MACC1: variants seen among roughly 807,000 people sequenced by gnomAD.
MACC1 encodes the protein MET transcriptional regulator MACC1, also known as metastasis-associated in colon cancer protein 1.
In MACC1, 79 loss-of-function variants were observed where a neutral mutation model predicts 70.7. The ratio of observed to expected loss-of-function variants is 1.12; its 90% CI spans 0.93 to 1.35. MACC1 has a LOEUF of 1.35. MACC1 is among the 40% of genes most tolerant of loss of function. The probability of loss-of-function intolerance (pLI) is 0.00; values close to 1 mark genes in which losing one functional copy is unlikely to be tolerated. For missense variants in MACC1, 1,106 were observed against 978.1 expected (o/e 1.13, Z -1.74); for synonymous variants, 361 against 347.2 (o/e 1.04, Z -0.44).
chr7:20,198,617 T>C (rs1782787902), intron 1 of MACC1: 1 of 152,236 alleles, frequency 6.6e-6, no homozygotes, highest in Non-Finnish European at 1.5e-5. Flanking sequence ...AAGCCTCCAT[T>C]CTGGAGCTCT....
At chr7:20,174,598 A>C (rs1156917930) in intron 1 of MACC1, among the ~76,000 whole-genome samples, 3 of 152,162 alleles carry the variant, frequency 2.0e-5, no homozygotes, top group Non-Finnish European at 2.9e-5. Context: ...AGAATAAAAT[A>C]AAATTCTCAC....
At chr7:20,166,965 C>T (rs1782229715) in intron 2 of MACC1, among the ~76,000 whole-genome samples, 1 of 152,008 alleles carries the variant, frequency 6.6e-6, no homozygotes, top group Non-Finnish European at 1.5e-5. Flanking sequence ...AGGAACATAT[C>T]CAGAAATCTA....
chr7:20,209,849 G>A (rs1282405639), intron 1 of MACC1, among the ~76,000 whole-genome samples: 1 of 152,082 alleles, frequency 6.6e-6, no homozygotes, highest in Non-Finnish European at 1.5e-5. Flanking sequence ...AGAGGTAATT[G>A]AATCATGGGG....
At chr7:20,161,458 A>G (rs1782137997) in intron 4 of MACC1, among the ~76,000 whole-genome samples, 1 of 151,908 alleles carries the variant, frequency 6.6e-6, no homozygotes, top group Admixed American at 6.6e-5. Flanking sequence ...CTCCATGAAG[A>G]TTTCCTAGGT....
rs1293362712 is a variant in MACC1 at position 20,164,236 on chromosome 7, C to G, written c.-9+20G>C. ...ACAGGCATGAGCCACCACGCCCGGC[C>G]CAGTTACTTTAAACCTTACTTTTTG... On this transcript the variant is annotated intron_variant, in intron 3 of 6. Transcript: ENST00000400331. 6.6e-6 allele frequency: 1 copy of G among 152,334 alleles called. No homozygotes were observed. The highest frequency in any genetic ancestry group is 1.5e-5 in the Non-Finnish European group (1 of 68,148). The allele number at this position is 152,334 out of a possible 1,614,324, so 9.4% of individuals were successfully genotyped here.
chr7:20,202,167 A>G (rs1782843367), intron 1 of MACC1, among the ~76,000 whole-genome samples: 1 of 152,240 alleles, frequency 6.6e-6, no homozygotes, highest in Admixed American at 6.5e-5. Context: ...CCAAAGTGAA[A>G]GGATAGTGTA....
chr7:20,180,675 T>A (rs3114465), intron 1 of MACC1, among the ~76,000 whole-genome samples: 9 of 151,696 alleles, frequency 5.9e-5, no homozygotes, highest in African/African-American at 2.2e-4. Flanking sequence ...TGAAACCCCA[T>A]CTCTACTAAA....
chr7:20,181,226 G>C lies in MACC1; in HGVS notation c.-217-10448C>G, dbSNP rs528555854. Among the ~76,000 whole-genome samples, 62 of 151,940 alleles carry C rather than the reference G, an allele frequency of 4.1e-4. No homozygotes were observed. In the South Asian group the frequency reaches 7.1e-3, roughly 17 times the overall value. On this transcript the variant is annotated intron_variant, in intron 1 of 6. Transcript: ENST00000400331. Reference sequence around the variant, plus strand: ...ACCTGGACAATTTGATTCCATATCAGGTTCTAACAAAACTTTTAGTGATAA... The same window carrying C: ...ACCTGGACAATTTGATTCCATATCACGTTCTAACAAAACTTTTAGTGATAA...
chr7:20,150,141 G>A (rs1206649683), intron 6 of MACC1, among the ~76,000 whole-genome samples: 1 of 152,110 alleles, frequency 6.6e-6, no homozygotes, highest in Non-Finnish European at 1.5e-5. Context: ...ATACTTTTAA[G>A]AAATATTATA....
At chr7:20,191,120 G>A (rs953556373) in intron 1 of MACC1, among the ~76,000 whole-genome samples, 3 of 152,174 alleles carry the variant, frequency 2.0e-5, no homozygotes, top group African/African-American at 4.8e-5. Flanking sequence ...AGTCCAGTAA[G>A]GCAGTAGAAT....
At chr7:20,194,284 G>A (rs1290824626) in intron 1 of MACC1, among the ~76,000 whole-genome samples, 1 of 152,112 alleles carries the variant, frequency 6.6e-6, no homozygotes, top group Non-Finnish European at 1.5e-5. Context: ...AAAAAGAAAA[G>A]AATTAAAAGG....
At chr7:20,175,798 C>T (rs1215124221) in intron 1 of MACC1, among the ~76,000 whole-genome samples, 1 of 152,062 alleles carries the variant, frequency 6.6e-6, no homozygotes, top group Non-Finnish European at 1.5e-5. Flanking sequence ...AGTGATAAAA[C>T]CTAATGCTAA....
intron 2 of MACC1, among the ~76,000 whole-genome samples, chr7:20,165,732 T>C (rs1019500765): frequency 2.0e-5 from 3 of 152,162 alleles, no homozygotes; most frequent in African/African-American, 7.2e-5. Context: ...CATGAGTCAG[T>C]CTTTGTTGGA....
intron 3 of MACC1, among the ~76,000 whole-genome samples, chr7:20,164,023 A>G (rs1042955684): frequency 1.3e-5 from 2 of 152,110 alleles, no homozygotes; most frequent in Non-Finnish European, 2.9e-5. Context: ...TGTAAACTCT[A>G]CTTCCTAGGT....
chr7:20,175,202 T>C (rs1782372895), intron 1 of MACC1, among the ~76,000 whole-genome samples: 1 of 152,104 alleles, frequency 6.6e-6, no homozygotes, highest in African/African-American at 2.4e-5. Flanking sequence ...TGATGAACTC[T>C]TTAACCCGGC....
Position 20,140,527 on chromosome 7 carries a change from G to A in MACC1, c.*419C>T, listed in dbSNP as rs1334505288. 6.5e-6 allele frequency: 1 copy of A among 154,158 alleles called. No homozygotes were observed. The highest frequency in any genetic ancestry group is 2.4e-5 in the African/African-American group (1 of 41,488). The allele number at this position is 154,158 out of a possible 1,614,324, so 9.5% of individuals were successfully genotyped here. A position where few individuals can be genotyped will look rare whatever the true frequency, so the allele number is the denominator to read the frequency against. Reference sequence around the variant, plus strand: ...GCCTTGATCATGTTGATAGTCTCTAGTTTACCCAGATATCTGTGTGATGTA... The same window carrying A: ...GCCTTGATCATGTTGATAGTCTCTAATTTACCCAGATATCTGTGTGATGTA... On this transcript the variant is annotated 3_prime_UTR_variant, in exon 7 of 7. Transcript: ENST00000400331.
chr7:20,171,465 A>C (rs1782305867), intron 1 of MACC1, among the ~76,000 whole-genome samples: 1 of 151,476 alleles, frequency 6.6e-6, no homozygotes, highest in African/African-American at 2.4e-5. Context: ...CGTGTTAGCC[A>C]GGATGGTCTC....
intron 6 of MACC1, among the ~76,000 whole-genome samples, chr7:20,148,904 T>C (rs890447449): frequency 6.6e-6 from 1 of 152,190 alleles, no homozygotes; most frequent in African/African-American, 2.4e-5. Flanking sequence ...TTTTCCCTTC[T>C]CTAAGAAATT....
chr7:20,165,642 G>A (rs1374057329), intron 2 of MACC1, among the ~76,000 whole-genome samples: 2 of 151,828 alleles, frequency 1.3e-5, no homozygotes, highest in Non-Finnish European at 2.9e-5. Context: ...ATTTCCCTAT[G>A]TTTTCTTCCA....
Sources: gnomAD v4.1 joint callset for allele counts (sites outside exome capture counted in the v4.1 genomes callset) on GRCh38, gnomAD v4.1.1 for gene constraint, MANE v1.5 for transcripts, NCBI Gene and HGNC (gene_info 2026-07-23, HGNC 2026-07-21) for gene names.